The following MEGF8 variants were observed in gnomAD, a reference collection of about 807,000 sequenced individuals.
MEGF8 encodes multiple epidermal growth factor-like domains protein 8.
Under a neutral mutation model 302.9 loss-of-function variants are expected in MEGF8, and 156 were observed. The ratio of observed to expected loss-of-function variants is 0.52; its 90% CI spans 0.45 to 0.59. The LOEUF (loss-of-function observed/expected upper bound fraction) is 0.59. MEGF8 is among the 20% of genes least tolerant of loss of function. The pLI, the probability that MEGF8 is intolerant of heterozygous loss-of-function variation, is 0.00. For synonymous variants in MEGF8, 1,621 were observed against 1,660.5 expected, an observed-to-expected ratio of 0.98 and a Z score of 0.58; for missense variants, 3,345 against 3,964.5, an observed-to-expected ratio of 0.84 and a Z score of 4.20.
chr19:42,361,101 C>A, intron 32 of MEGF8, 95 bp downstream of exon 32: 2 of 1,309,580 alleles, frequency 1.5e-6, no homozygotes, highest in Non-Finnish European at 1.0e-6. Context: ...CAGGAGTATA[C>A]CGTCTGGTTC....
chr19:42,354,170 TC>T lies in MEGF8; in HGVS notation c.4011+150del. Reference sequence around the variant, plus strand: ...TTCAAAACCCAAACTCCTCCTCAGATCCCCAGCACTTTGTTCCTAGGCCCAC... The same window carrying T: ...TTCAAAACCCAAACTCCTCCTCAGATCCCAGCACTTTGTTCCTAGGCCCAC... On this transcript the variant is annotated intron_variant, in intron 22 of 41. Coordinates refer to ENST00000251268, the MANE Select transcript of MEGF8 (RefSeq NM_001271938.2). The surrounding 1 kb of genome is among the most constrained non-coding windows in gnomAD (Gnocchi z 4.3). 1 of 1,018,054 alleles carries T rather than the reference TC, an allele frequency of 9.8e-7. No individual in the cohort carries two copies. Among genetic ancestry groups the T allele is most frequent in the Non-Finnish European group, 1.4e-6 (1 of 721,710 alleles). The allele number at this position is 1,018,054 out of a possible 1,614,324, so 63.1% of individuals were successfully genotyped here.
chr19:42,338,199 A>G (rs2039158764), intron 8 of MEGF8, among the ~76,000 whole-genome samples: 1 of 150,876 alleles, frequency 6.6e-6, no homozygotes, highest in Non-Finnish European at 1.5e-5. Context: ...TGATTATTTC[A>G]TCACCCAGGT....
intron 9 of MEGF8, 62 bp from the exon 10 acceptor site, chr19:42,343,892 G>C: frequency 6.3e-7 from 1 of 1,577,560 alleles, no homozygotes; most frequent in Non-Finnish European, 8.6e-7. Context: ...GGCCGGCCCA[G>C]GTCTGAGAGG....
rs145263492 is a variant in MEGF8, at chr19:42,351,947, C to T, written c.3101+186C>T. ...TTTTTCTCCATTTTTCCTCCTTTTC[C>T]GGCTCTCTGCGATTCGTTTTCTTTC... On this transcript the variant is annotated intron_variant, in intron 18 of 41. Coordinates refer to ENST00000251268, the MANE Select transcript of MEGF8 (RefSeq NM_001271938.2). This position sits in a 1 kb window ranked among gnomAD's most constrained non-coding sequence, Gnocchi z 5.6. Among the ~76,000 whole-genome samples the T allele has an allele frequency of 2.0e-5, 3 of 152,056 alleles. No individual in the cohort carries two copies. The highest frequency in any genetic ancestry group is 4.4e-5 in the Non-Finnish European group (3 of 68,000).
At chr19:42,355,251 C>T (rs1293457903) in intron 23 of MEGF8, among the ~76,000 whole-genome samples, 2 of 150,496 alleles carry the variant, frequency 1.3e-5, no homozygotes, top group Non-Finnish European at 2.9e-5. Context: ...GCTGCTGCGC[C>T]CGGCATATAT....
rs1266353617 is a variant in MEGF8 at position 42,360,905 on chromosome 19, C to T, written c.5619C>T (p.Pro1873=). ...GCCGCCTGCTGGCACTGACCCTGCC[C>T]CCTGACCCCTGCCGCCTGCTGTCCT... The part of the protein sequence containing the change: ...ALGRLLALTL[P]PDPCRLLSSP... The change falls in exon 32 of 42, where the codon CCC becomes CCT. Residue 1873 remains proline, a synonymous_variant. Transcript: ENST00000251268. 1 of 1,613,094 alleles carries T rather than the reference C, an allele frequency of 6.2e-7. No individual in the cohort carries two copies. Among genetic ancestry groups the T allele is most frequent in the South Asian group, 1.1e-5 (1 of 91,010 alleles).
chr19:42,326,221 A>G lies in MEGF8; in HGVS notation c.-23A>G, dbSNP rs750061301. On this transcript the variant is annotated 5_prime_UTR_variant, in exon 1 of 42. Transcript: ENST00000251268. ...GGTTTTTACGGCCTGTCCCCGCTCT[A>G]AGGGTCAGTGCAGGAGGCGGCGATG... 6.7e-7 allele frequency: 1 copy of G among 1,486,210 alleles called. No individual in the cohort carries two copies. Among genetic ancestry groups the G allele is most frequent in the Non-Finnish European group, 8.9e-7 (1 of 1,127,112 alleles). 92.1% of individuals were successfully genotyped at this position (1,486,210 alleles called of 1,614,324 possible).
rs778775627 is a variant in MEGF8 at position 42,334,241 on chromosome 19, C to A, written c.558+28C>A. ...GAGCCGGTCCCCAGCCCTGTTTCCC[C>A]TGGGGCCCTGATCTGTGAGCGCAGC... On this transcript the variant is annotated intron_variant, in intron 3 of 41. Transcript: ENST00000251268. 3.2e-6 allele frequency: 5 copies of A among 1,558,568 alleles called. No homozygotes were observed. In the East Asian group the frequency reaches 1.1e-4, roughly 36 times the overall value.
intron 3 of MEGF8, 103 bp from the exon 4 acceptor site, chr19:42,334,932 C>T: frequency 1.7e-6 from 2 of 1,143,432 alleles, no homozygotes; most frequent in South Asian, 1.7e-5. Context: ...CCCTTTGTGC[C>T]CTGTCTGTCT....
intron 41 of MEGF8, among the ~76,000 whole-genome samples, chr19:42,373,130 G>A (rs2039714921): frequency 6.7e-6 from 1 of 149,826 alleles, no homozygotes; most frequent in Non-Finnish European, 1.5e-5. Flanking sequence ...GTCTCACTCT[G>A]TCGCCAAGCT....
Position 42,371,368 on chromosome 19 carries a change from C to G in MEGF8, c.7155C>G (p.His2385Gln). The G allele has an allele frequency of 6.2e-7, 1 of 1,613,882 alleles. No homozygotes were observed. Among genetic ancestry groups the G allele is most frequent in the Non-Finnish European group, 8.5e-7 (1 of 1,179,842 alleles). The change falls in exon 41 of 42, where the codon CAC (histidine) becomes CAG (glutamine). Residue 2385 changes from histidine to glutamine, a missense_variant. His to Gln is a conservative substitution (Grantham distance 24). Transcript: ENST00000251268. ...GKCTKCQCNG[H>Q]ADTCNEQDGT... ...TCCCCAGATGCCAGTGTAATGGCCA[C>G]GCGGACACATGTAACGAGCAGGATG...
rs2039254172 is a variant in MEGF8, at chr19:42,344,176, A to G, written c.1788+103A>G. ...ACAAGAACTTTCCCTCAACTGGGAG[A>G]CTTGTTTTCATGCCGGAGATCCTCC... is the stretch of plus-strand genomic sequence containing the variant. On this transcript the variant is annotated intron_variant, in intron 10 of 41. Coordinates refer to ENST00000251268, the MANE Select transcript of MEGF8 (RefSeq NM_001271938.2). The surrounding 1 kb of genome is among the most constrained non-coding windows in gnomAD (Gnocchi z 4.5). 6 of 1,436,868 alleles carry G rather than the reference A, an allele frequency of 4.2e-6. No homozygotes were observed. The highest frequency in any genetic ancestry group is 5.6e-6 in the Non-Finnish European group (6 of 1,079,460). The allele number at this position is 1,436,868 out of a possible 1,614,324, so 89.0% of individuals were successfully genotyped here. A position where few individuals can be genotyped will look rare whatever the true frequency, so the allele number is the denominator to read the frequency against.
Position 42,370,737 on chromosome 19 carries a change from G to T in MEGF8, c.7042G>T (p.Glu2348Ter). Residue 2348 changes from glutamate to a stop codon, truncating the protein, a stop_gained, in exon 40 of 42, where the codon GAG (glutamate) becomes TAG (stop). Coordinates refer to ENST00000251268, the MANE Select transcript of MEGF8 (RefSeq NM_001271938.2). LOFTEE classifies it high-confidence loss of function. ...GGTGACAGAGGGTCCTAGTGAAGACGAGGCCGTGTGCGTGAACTGCCAGAA... is the reference window on the plus strand; with the variant it reads ...GGTGACAGAGGGTCCTAGTGAAGACTAGGCCGTGTGCGTGAACTGCCAGAA... ...NWVTEGPSED[E>*]AVCVNCQNNS... The T allele has an allele frequency of 1.9e-6, 3 of 1,588,258 alleles. No homozygotes were observed. The highest frequency in any genetic ancestry group is 2.6e-6 in the Non-Finnish European group (3 of 1,167,424).
Position 42,376,092 on chromosome 19 carries a change from G to A in MEGF8, c.7855G>A (p.Val2619Met), listed in dbSNP as rs772954605. The A allele has an allele frequency of 1.9e-5, 30 of 1,606,222 alleles. No individual in the cohort carries two copies. The highest frequency in any genetic ancestry group is 2.7e-5 in the African/African-American group (2 of 74,938). Residue 2619 changes from valine to methionine, a missense_variant, in exon 42 of 42, where the codon GTG becomes ATG. By Grantham distance (21) the Val-to-Met change is conservative. Transcript: ENST00000251268. This position sits in a 1 kb window ranked among gnomAD's most constrained non-coding sequence, Gnocchi z 8.2. ...SSRFYLLLLGVGDPSGPGANG... is the reference protein window; with the variant it reads ...SSRFYLLLLGMGDPSGPGANG... ...CCGCTTCTACCTGCTGCTGCTGGGC[G>A]TGGGAGACCCAAGTGGGCCCGGCGC... is the stretch of plus-strand genomic sequence containing the variant.
At position 42,351,029 on chromosome 19, in the gene MEGF8, G is replaced by A. The variant is rs2039361613; in HGVS notation, c.2737-187G>A. 3.3e-6 allele frequency: 2 copies of A among 609,484 alleles called. No individual in the cohort carries two copies. Among genetic ancestry groups the A allele is most frequent in the African/African-American group, 1.9e-5 (1 of 53,792 alleles). 37.8% of individuals were successfully genotyped at this position (609,484 alleles called of 1,614,324 possible). Reference sequence around the variant, plus strand: ...GTGCTATTGCCTAAAGGAGACAGTGGGTGCTGGGCGGGCCGACCCATGGGT... The same window carrying A: ...GTGCTATTGCCTAAAGGAGACAGTGAGTGCTGGGCGGGCCGACCCATGGGT... On this transcript the variant is annotated intron_variant, in intron 15 of 41. Transcript: ENST00000251268. The surrounding 1 kb of genome is among the most constrained non-coding windows in gnomAD (Gnocchi z 5.6).
chr19:42,334,457 T>C (rs1456238884), intron 3 of MEGF8, among the ~76,000 whole-genome samples: 1 of 151,652 alleles, frequency 6.6e-6, no homozygotes, highest in Non-Finnish European at 1.5e-5. Context: ...TACCCCACTC[T>C]CATCTGTGAA....
chr19:42,365,267 G>C (rs113385322), intron 35 of MEGF8, among the ~76,000 whole-genome samples: 2 of 152,066 alleles, frequency 1.3e-5, no homozygotes, highest in African/African-American at 4.8e-5. Context: ...CCAGCCTCTC[G>C]GTGCTTGCCA....
Position 42,362,155 on chromosome 19 carries a change from G to C in MEGF8, c.5786G>C (p.Arg1929Pro). ...TCCCCGGAGGAATGTCGACGTCTCC[G>C]GACCTGCAGTGAGTGCCTGGCCCGC... ...PRSPEECRRL[R>P]TCSECLARHP... Residue 1929 changes from arginine to proline, a missense_variant, in exon 33 of 42, where the codon CGG (arginine) becomes CCG (proline). By Grantham distance (103) the Arg-to-Pro change is moderately radical. Transcript: ENST00000251268. The C allele has an allele frequency of 6.2e-7, 1 of 1,611,416 alleles. No homozygotes were observed.
intron 31 of MEGF8, among the ~76,000 whole-genome samples, chr19:42,359,844 G>A (rs984633535): frequency 6.7e-6 from 1 of 149,380 alleles, no homozygotes; most frequent in African/African-American, 2.5e-5. Context: ...ATGCCACCAC[G>A]CCTGGATAAT....
Sources: gnomAD v4.1 joint callset for allele counts (sites outside exome capture counted in the v4.1 genomes callset) on GRCh38, gnomAD v4.1.1 for gene constraint, Gnocchi (gnomAD v3.1) non-coding constraint, MANE v1.5 for transcripts, NCBI Gene and HGNC (gene_info 2026-07-23, HGNC 2026-07-21) for gene names.